Variants in ANKRD36C observed in about 807,000 individuals in gnomAD.
ANKRD36C encodes ankyrin repeat domain 36C.
Under a neutral mutation model 276.4 loss-of-function variants are expected in ANKRD36C, and 61 were observed. The observed-to-expected ratio is 0.22, with a 90% CI of 0.18 to 0.27. The LOEUF is 0.27. Among genes scored for constraint, ANKRD36C ranks in the 10% least tolerant of loss-of-function variants. The pLI, the probability that ANKRD36C is intolerant of heterozygous loss-of-function variation, is 1.00. For synonymous variants in ANKRD36C, 483 were observed against 680.1 expected (o/e 0.71, Z 4.51); for missense variants, 1,447 against 2,032.3 (o/e 0.71, Z 5.54).
chr2:95,987,855 G>A lies in ANKRD36C; in HGVS notation c.198-649C>T, dbSNP rs534270085. Among the ~76,000 whole-genome samples the A allele has an allele frequency of 5.3e-5, 8 of 151,892 alleles. No individual in the cohort carries two copies. The South Asian group carries it at 8.3e-4, about 16-fold the overall frequency. ...TATCTACATTGAGGTATCTATTAAA[G>A]ATTAGATGTATCGTTGTATTTCAGT... On this transcript the variant is annotated intron_variant, in intron 1 of 66. Transcript: ENST00000456556.
At chr2:95,984,105 C>T (rs903981811) in intron 3 of ANKRD36C, among the ~76,000 whole-genome samples, 3 of 151,944 alleles carry the variant, frequency 2.0e-5, no homozygotes, top group African/African-American at 7.3e-5. Flanking sequence ...TTCAAAAGTT[C>T]AACCCGATTA....
chr2:95,927,121 G>A (rs1558642951), intron 28 of ANKRD36C, 93 bp downstream of exon 28: 3 of 1,531,724 alleles, frequency 2.0e-6, no homozygotes, highest in East Asian at 2.3e-5. Flanking sequence ...AGAATGTGCA[G>A]CTTCAATGAA....
chr2:95,946,816 C>T (rs1029991447), intron 17 of ANKRD36C, among the ~76,000 whole-genome samples: 1 of 151,744 alleles, frequency 6.6e-6, no homozygotes, highest in South Asian at 2.1e-4. Context: ...GAACAAAAAA[C>T]CAAACACCGC....
At position 95,893,684 on chromosome 2, in the gene ANKRD36C, G is replaced by A; in HGVS notation, c.2756-1824C>T. 6.2e-7 allele frequency: 1 copy of A among 1,604,432 alleles called. No individual in the cohort carries two copies. The highest frequency in any genetic ancestry group is 8.5e-7 in the Non-Finnish European group (1 of 1,176,342). ...ATTAACTCGTTCACAATATAAATGA[G>A]AGTTTCATTACCTTCAAGGCTGGTG... On this transcript the variant is annotated intron_variant, in intron 44 of 66. Transcript: ENST00000456556.
At position 95,923,492 on chromosome 2, in the gene ANKRD36C, T is replaced by C. The variant is rs755905272; in HGVS notation, c.2143+3A>G. ...TGACATTTAATGTGTTTTGCAAAAT[T>C]ACCTGTCCCACATTGTAGTCCATCC... On this transcript the variant is annotated splice_donor_region_variant and intron_variant, in intron 32 of 66. Coordinates refer to ENST00000456556, the Ensembl canonical transcript of ANKRD36C. The C allele has an allele frequency of 1.2e-6, 2 of 1,610,674 alleles. No individual in the cohort carries two copies. Among genetic ancestry groups the C allele is most frequent in the Middle Eastern group, 1.7e-4 (1 of 6,036 alleles).
intron 36 of ANKRD36C, 39 bp downstream of exon 38, chr2:95,917,816 T>C: frequency 1.3e-6 from 2 of 1,565,574 alleles, no homozygotes; most frequent in South Asian, 1.2e-5. Context: ...CTTTTCTATC[T>C]GGATTGAACG....
chr2:95,857,027 TA>T (rs1172571175), intron 62 of ANKRD36C, among the ~76,000 whole-genome samples: 7 of 152,142 alleles, frequency 4.6e-5, no homozygotes, highest in Non-Finnish European at 1.0e-4. Flanking sequence ...TAATATGAAA[TA>T]GGGGAAAATA....
intron 14 of ANKRD36C, among the ~76,000 whole-genome samples, chr2:95,953,618 T>C (rs1490503731): frequency 2.6e-5 from 4 of 152,064 alleles, no homozygotes; most frequent in Non-Finnish European, 5.9e-5. Flanking sequence ...GTAAAAACAC[T>C]CAAATAAGCC....
intron 10 of ANKRD36C, among the ~76,000 whole-genome samples, chr2:95,960,007 A>G (rs1261837972): frequency 1.3e-5 from 2 of 152,134 alleles, no homozygotes; most frequent in Non-Finnish European, 2.9e-5. Context: ...CTGCCTCACA[A>G]TCCCTCTTCC....
chr2:95,956,231 GCTTACAAAAAA>G (rs1402105654), intron 13 of ANKRD36C, among the ~76,000 whole-genome samples: 1 of 152,082 alleles, frequency 6.6e-6, no homozygotes, highest in African/African-American at 2.4e-5. Context: ...GCCTAGTCTT[GCTTACAAAAAA>G]CTTACGGTCT....
At chr2:95,951,283 A>C in intron 15 of ANKRD36C, 65 bp downstream of exon 15, 1 of 1,013,198 alleles carries the variant, frequency 9.9e-7, no homozygotes, top group Non-Finnish European at 1.3e-6. Flanking sequence ...TTCACAAAGA[A>C]AAAAAAAAAA....
At chr2:95,956,977 G>C (rs1366953188) in intron 12 of ANKRD36C, among the ~76,000 whole-genome samples, 161 bp from the exon 13 acceptor site, 1 of 151,692 alleles carries the variant, frequency 6.6e-6, no homozygotes, top group Admixed American at 6.6e-5. Flanking sequence ...GACCAGCTTG[G>C]GCAGCACAGA....
At chr2:95,865,484 G>T (rs1675666331) in intron 60 of ANKRD36C, among the ~76,000 whole-genome samples, 1 of 152,010 alleles carries the variant, frequency 6.6e-6, no homozygotes, top group Non-Finnish European at 1.5e-5. Context: ...ATAGGTACAG[G>T]CTGAGTATCC....
rs546363384 is a variant in ANKRD36C, at chr2:95,854,754, T to A, written c.4995+512A>T. On this transcript the variant is annotated intron_variant, in intron 63 of 66. Coordinates refer to ENST00000456556, the Ensembl canonical transcript of ANKRD36C. ...AGATTGAAATAGTTTCAGATTTAAG[T>A]CAAATTGACATGAAGAAAAACAAAA... is the stretch of plus-strand genomic sequence containing the variant. Among the ~76,000 whole-genome samples, 42 of 152,258 alleles carry A rather than the reference T, an allele frequency of 2.8e-4. No individual in the cohort carries two copies. The East Asian group carries it at 6.8e-3, about 24-fold the overall frequency.
intron 59 of ANKRD36C, among the ~76,000 whole-genome samples, chr2:95,875,232 T>C (rs1007858227): frequency 6.6e-6 from 1 of 152,096 alleles, no homozygotes; most frequent in African/African-American, 2.4e-5. Flanking sequence ...CATGCACACG[T>C]ATGTTTATTG....
chr2:95,962,200 C>T (rs1558657819), intron 8 of ANKRD36C, among the ~76,000 whole-genome samples, 152 bp downstream of exon 8: 2 of 152,006 alleles, frequency 1.3e-5, no homozygotes, highest in South Asian at 2.1e-4. Flanking sequence ...CCAGTAGCAT[C>T]GGCGTCACCC....
At chr2:95,854,617 A>G (rs1675366640) in intron 63 of ANKRD36C, among the ~76,000 whole-genome samples, 1 of 152,176 alleles carries the variant, frequency 6.6e-6, no homozygotes, top group African/African-American at 2.4e-5. Flanking sequence ...GTCAGTGGGA[A>G]GATTAAATCA....
intron 44 of ANKRD36C, among the ~76,000 whole-genome samples, chr2:95,892,289 T>C (rs1676392026): frequency 6.6e-6 from 1 of 151,524 alleles, no homozygotes; most frequent in African/African-American, 2.4e-5. Flanking sequence ...CATCATGCTC[T>C]TTAACTTGCC....
intron 6 of ANKRD36C, among the ~76,000 whole-genome samples, chr2:95,968,007 G>A (rs899984842): frequency 2.2e-4 from 33 of 152,038 alleles, no homozygotes; most frequent in African/African-American, 1.7e-4. Context: ...CATGAGAATC[G>A]CTTGAACCCA....
Sources: allele counts gnomAD v4.1 joint callset (sites outside exome capture counted in the v4.1 genomes callset), GRCh38; gene constraint gnomAD v4.1.1; transcripts MANE v1.5; gene names NCBI Gene and HGNC (gene_info 2026-07-23, HGNC 2026-07-21).